The following LPP variants were observed in gnomAD, a reference collection of about 807,000 sequenced individuals.
LPP encodes the protein LIM domain containing preferred translocation partner in lipoma.
In LPP, 38 loss-of-function variants were observed where a neutral mutation model predicts 60.4. That is an observed-to-expected ratio of 0.63 (90% CI 0.49 to 0.83). LPP has a LOEUF of 0.83. LPP is among the 40% of genes least tolerant of loss of function. LPP has a pLI of 0.00. For synonymous variants in LPP, 328 were observed against 290.8 expected (o/e 1.13, Z -1.30); for missense variants, 902 against 783.6 (o/e 1.15, Z -1.80).
intron 8 of LPP, among the ~76,000 whole-genome samples, chr3:188,719,299 A>G (rs1248877130): frequency 1.3e-5 from 2 of 152,166 alleles, no homozygotes; most frequent in African/African-American, 4.8e-5. Context: ...AGGGCATCAC[A>G]TTGAAAGAAA....
intron 9 of LPP, among the ~76,000 whole-genome samples, chr3:188,841,557 A>C (rs1193625042): frequency 2.0e-5 from 3 of 151,984 alleles, no homozygotes; most frequent in Non-Finnish European, 2.9e-5. Flanking sequence ...ACGCCCAGCT[A>C]ATTTTTGTAT....
intron 9 of LPP, among the ~76,000 whole-genome samples, chr3:188,826,106 G>A (rs1030238993): frequency 6.6e-6 from 1 of 152,086 alleles, no homozygotes; most frequent in African/African-American, 2.4e-5. Flanking sequence ...ACTTATTTTG[G>A]TTCAGGAGCA....
At chr3:188,196,147 T>C (rs546525141) in intron 1 of LPP, among the ~76,000 whole-genome samples, 1 of 152,322 alleles carries the variant, frequency 6.6e-6, no homozygotes, top group South Asian at 2.1e-4. Flanking sequence ...CCCTAGCCTC[T>C]CCTTGGGGTT....
At chr3:188,718,362 T>C (rs1223719375) in intron 8 of LPP, among the ~76,000 whole-genome samples, 1 of 152,200 alleles carries the variant, frequency 6.6e-6, no homozygotes, top group Non-Finnish European at 1.5e-5. Flanking sequence ...GGTGCAGACA[T>C]AGGTCGGGCC....
intron 9 of LPP, among the ~76,000 whole-genome samples, chr3:188,832,239 G>T (rs1353801254): frequency 6.6e-6 from 1 of 152,156 alleles, no homozygotes; most frequent in Admixed American, 6.5e-5. Flanking sequence ...GACTCTCCTT[G>T]ACAGCTTGAG....
chr3:188,296,542 C>G (rs1747955395), intron 2 of LPP, among the ~76,000 whole-genome samples: 1 of 152,172 alleles, frequency 6.6e-6, no homozygotes, highest in East Asian at 1.9e-4. Flanking sequence ...TAGCCTCTGC[C>G]TTAGTCACCA....
intron 7 of LPP, among the ~76,000 whole-genome samples, chr3:188,692,718 G>T (rs1257873299): frequency 6.6e-6 from 1 of 152,210 alleles, no homozygotes. Context: ...CACTCAGCAA[G>T]TGCCCTTTGA....
chr3:188,206,990 G>C (rs1213742000), intron 1 of LPP, among the ~76,000 whole-genome samples: 1 of 152,132 alleles, frequency 6.6e-6, no homozygotes, highest in Non-Finnish European at 1.5e-5. Flanking sequence ...GGAGTCAAAA[G>C]AGCCTATTTT....
At chr3:188,398,255 T>A (rs1781424764) in intron 3 of LPP, among the ~76,000 whole-genome samples, 1 of 152,164 alleles carries the variant, frequency 6.6e-6, no homozygotes, top group Non-Finnish European at 1.5e-5. Flanking sequence ...GAGGGAATGG[T>A]AGTGGATATC....
chr3:188,266,023 G>A (rs1735413372), intron 2 of LPP, among the ~76,000 whole-genome samples: 1 of 152,090 alleles, frequency 6.6e-6, no homozygotes, highest in Non-Finnish European at 1.5e-5. Flanking sequence ...GTTGCTGCCT[G>A]GTTCTGCTCC....
intron 3 of LPP, among the ~76,000 whole-genome samples, chr3:188,396,854 C>G (rs1282426448): frequency 6.6e-6 from 1 of 152,298 alleles, no homozygotes; most frequent in African/African-American, 2.4e-5. Context: ...ACTCCACAGA[C>G]TAGCCATAAC....
chr3:188,229,923 T>C (rs1234400080), intron 2 of LPP, among the ~76,000 whole-genome samples: 2 of 152,126 alleles, frequency 1.3e-5, no homozygotes, highest in African/African-American at 4.8e-5. Context: ...TTACACCTGG[T>C]TCATAGAGTA....
chr3:188,376,036 G>A (rs1261293598), intron 3 of LPP, among the ~76,000 whole-genome samples: 1 of 152,130 alleles, frequency 6.6e-6, no homozygotes, highest in Non-Finnish European at 1.5e-5. Flanking sequence ...TCTTAATCCT[G>A]AATTCTAGTT....
intron 4 of LPP, among the ~76,000 whole-genome samples, chr3:188,466,190 G>A (rs1304045462): frequency 4.6e-5 from 7 of 152,028 alleles, no homozygotes; most frequent in Admixed American, 2.6e-4. Flanking sequence ...TTTTCAACAC[G>A]GCAGTGAGAT....
intron 2 of LPP, among the ~76,000 whole-genome samples, chr3:188,311,904 G>T (rs1479459630): frequency 6.6e-6 from 1 of 152,146 alleles, no homozygotes; most frequent in African/African-American, 2.4e-5. Context: ...TTCCCAAAGT[G>T]CTGGGATTAC....
chr3:188,438,978 A>T (rs1020928019), intron 4 of LPP, among the ~76,000 whole-genome samples: 1 of 152,188 alleles, frequency 6.6e-6, no homozygotes, highest in Admixed American at 6.6e-5. Flanking sequence ...CTTTGGCTCA[A>T]CTGTAGTTAG....
At chr3:188,247,025 C>A (rs1341925138) in intron 2 of LPP, 1 of 177,920 alleles carries the variant, frequency 5.6e-6, no homozygotes, top group Non-Finnish European at 1.1e-5. Context: ...TCTACTCAGT[C>A]AGTACTTAAA....
chr3:188,446,987 G>A (rs1578960750), intron 4 of LPP, among the ~76,000 whole-genome samples: 1 of 152,140 alleles, frequency 6.6e-6, no homozygotes, highest in South Asian at 2.1e-4. Context: ...TTAGCAGTTG[G>A]CTTAATTAAG....
intron 9 of LPP, among the ~76,000 whole-genome samples, chr3:188,809,293 C>G (rs1014885794): frequency 2.0e-5 from 3 of 152,140 alleles, no homozygotes; most frequent in Non-Finnish European, 4.4e-5. Context: ...AATTTACATT[C>G]CCAACAACAG....
Sources: gnomAD v4.1 joint callset for allele counts (sites outside exome capture counted in the v4.1 genomes callset) on GRCh38, gnomAD v4.1.1 for gene constraint, MANE v1.5 for transcripts, NCBI Gene and HGNC (gene_info 2026-07-23, HGNC 2026-07-21) for gene names.